The following CCDC122 variants were observed in gnomAD, a reference collection of about 807,000 sequenced individuals.
CCDC122 encodes the protein coiled-coil domain containing 122.
CCDC122 carries 38 observed loss-of-function variants against 37.0 expected under a neutral mutation model. The ratio of observed to expected loss-of-function variants is 1.03; its 90% confidence interval spans 0.79 to 1.35. The LOEUF (loss-of-function observed/expected upper bound fraction) is 1.35. Among genes scored for constraint, CCDC122 ranks in the 40% most tolerant of loss-of-function variants. CCDC122 has a pLI of 0.00. For missense variants in CCDC122, 305 were observed against 310.0 expected, an observed-to-expected ratio of 0.98 and a Z score of 0.12; for synonymous variants, 83 against 95.6, an observed-to-expected ratio of 0.87 and a Z score of 0.77.
At chr13:43,869,274 T>G in intron 3 of CCDC122, 57 bp downstream of exon 3, 1 of 1,269,836 alleles carries the variant, frequency 7.9e-7, no homozygotes, top group Non-Finnish European at 1.1e-6. Flanking sequence ...CCTGCCAGAC[T>G]ACTTTTTTGT....
At chr13:43,825,848 G>A (rs1211833147) in intron 3 of CCDC122, among the ~76,000 whole-genome samples, 2 of 151,762 alleles carry the variant, frequency 1.3e-5, no homozygotes, top group Non-Finnish European at 2.9e-5. Flanking sequence ...CACTATCTGG[G>A]TCATGGAATC....
At chr13:43,847,750 C>T (rs554272480) in intron 6 of CCDC122, among the ~76,000 whole-genome samples, 1 of 152,202 alleles carries the variant, frequency 6.6e-6, no homozygotes, top group African/African-American at 2.4e-5. Flanking sequence ...TTCAGATCAG[C>T]TTTTTTCCCT....
At chr13:43,839,995 A>G (rs1953289270) in intron 6 of CCDC122, among the ~76,000 whole-genome samples, 1 of 152,222 alleles carries the variant, frequency 6.6e-6, no homozygotes, top group Non-Finnish European at 1.5e-5. Flanking sequence ...GGGATTGGTT[A>G]CATCTCTGTG....
chr13:43,875,635 C>G (rs1332027191), intron 1 of CCDC122, among the ~76,000 whole-genome samples: 13 of 152,180 alleles, frequency 8.5e-5, no homozygotes, highest in Admixed American at 8.5e-4. Flanking sequence ...ATCATTATCT[C>G]TAATAACAAT....
At chr13:43,847,059 A>G (rs972195589) in intron 6 of CCDC122, among the ~76,000 whole-genome samples, 12 of 152,216 alleles carry the variant, frequency 7.9e-5, no homozygotes, top group South Asian at 4.1e-4. Context: ...ATAATGAAAA[A>G]ACTGGAAAAC....
chr13:43,865,308 A>G (rs1272869127), intron 4 of CCDC122, among the ~76,000 whole-genome samples: 1 of 152,112 alleles, frequency 6.6e-6, no homozygotes, highest in Non-Finnish European at 1.5e-5. Flanking sequence ...CACATGAAGC[A>G]GGGGCAGTCT....
At chr13:43,824,778 C>A (rs1953023964) in intron 3 of CCDC122, among the ~76,000 whole-genome samples, 1 of 152,038 alleles carries the variant, frequency 6.6e-6, no homozygotes, top group Admixed American at 6.6e-5. Flanking sequence ...ATACAAGTGG[C>A]CAACAAACAT....
intron 4 of CCDC122, among the ~76,000 whole-genome samples, chr13:43,860,601 T>C (rs1389926168): frequency 6.6e-6 from 1 of 152,224 alleles, no homozygotes; most frequent in East Asian, 1.9e-4. Context: ...ACTGCTGCCT[T>C]CTTTTTAAAG....
downstream of CCDC122, among the ~76,000 whole-genome samples, chr13:43,819,813 A>C (rs1052865321): frequency 1.8e-4 from 28 of 152,236 alleles, no homozygotes; most frequent in African/African-American, 6.3e-4. Context: ...CACATAATTA[A>C]AAAATAAGAT....
intron 4 of CCDC122, among the ~76,000 whole-genome samples, chr13:43,865,503 T>C (rs946603918): frequency 3.2e-4 from 49 of 152,162 alleles, no homozygotes; most frequent in Admixed American, 3.2e-3. Flanking sequence ...TAAAGTTTAA[T>C]ATATAAATTA....
chr13:43,852,451 G>C (rs1004899058), intron 6 of CCDC122, among the ~76,000 whole-genome samples: 3 of 151,974 alleles, frequency 2.0e-5, no homozygotes, highest in Non-Finnish European at 4.4e-5. Flanking sequence ...AGAATGAAAA[G>C]GAATGAACAA....
At chr13:43,842,074 T>C (rs1232014951) in intron 6 of CCDC122, among the ~76,000 whole-genome samples, 7 of 21,986 alleles carry the variant, frequency 3.2e-4, no homozygotes, top group Admixed American at 1.3e-3. Context: ...AACATATCAA[T>C]ATTTTTCACT....
intron 6 of CCDC122, 52 bp from the exon 7 acceptor site, chr13:43,837,481 A>C (rs563536613): frequency 4.6e-5 from 70 of 1,512,610 alleles, no homozygotes; most frequent in Middle Eastern, 1.7e-4. Context: ...TAAATAGTAA[A>C]CAGCCATAAA....
chr13:43,872,447 T>G (rs1286969520), intron 2 of CCDC122, among the ~76,000 whole-genome samples: 2 of 152,144 alleles, frequency 1.3e-5, no homozygotes, highest in African/African-American at 4.8e-5. Flanking sequence ...CCTAGGCTCT[T>G]AACATGCACC....
intron 2 of CCDC122, 40 bp downstream of exon 2, chr13:43,874,802 C>T (rs941492100): frequency 6.6e-6 from 1 of 152,100 alleles, no homozygotes; most frequent in African/African-American, 2.4e-5. Context: ...CAGAGACATC[C>T]AAAAAGAATT....
chr13:43,860,595 C>A (rs937170801), intron 4 of CCDC122, among the ~76,000 whole-genome samples: 1 of 152,118 alleles, frequency 6.6e-6, no homozygotes, highest in African/African-American at 2.4e-5. Flanking sequence ...TTGCTAACTG[C>A]TGCCTTCTTT....
intron 6 of CCDC122, among the ~76,000 whole-genome samples, chr13:43,850,203 C>A (rs1313023768): frequency 1.3e-5 from 2 of 152,166 alleles, no homozygotes; most frequent in East Asian, 1.9e-4. Context: ...AGAATCTAGA[C>A]CCCAATGGCC....
rs144827926 is a variant in CCDC122 at position 43,868,348 on chromosome 13, CACA to C, written c.156+343_156+345del. The stretch of plus-strand genomic sequence containing the variant: ...AAATGTTCACTGACAGCAAGTAACT[CACA>C]ATCCATAGCTTTACAAACACTGGCT... On this transcript the variant is annotated intron_variant, in intron 4 of 6. Coordinates refer to ENST00000444614, the MANE Select transcript of CCDC122 (RefSeq NM_144974.5). 9.9e-3 allele frequency among the ~76,000 whole-genome samples: 1,506 copies of C among 152,222 alleles called. 7 individuals are homozygous for C. Among genetic ancestry groups the C allele is most frequent in the Middle Eastern group, 0.024 (7 of 294 alleles).
At chr13:43,840,948 G>A (rs902040840) in intron 6 of CCDC122, among the ~76,000 whole-genome samples, 2 of 152,142 alleles carry the variant, frequency 1.3e-5, no homozygotes, top group African/African-American at 4.8e-5. Flanking sequence ...AGATCCCTGA[G>A]GAATCACCAC....
Sources: allele counts gnomAD v4.1 joint callset (sites outside exome capture counted in the v4.1 genomes callset), GRCh38; gene constraint gnomAD v4.1.1; transcripts MANE v1.5; gene names NCBI Gene and HGNC (gene_info 2026-07-23, HGNC 2026-07-21).